The following LZTFL1 variants were observed in gnomAD, a reference collection of about 807,000 sequenced individuals.
LZTFL1 encodes leucine zipper transcription factor like 1.
In LZTFL1, 25 loss-of-function variants were observed where a neutral mutation model predicts 45.9. The observed-to-expected ratio is 0.54, with a 90% confidence interval of 0.40 to 0.76. The LOEUF is 0.76. Ranked by LOEUF, LZTFL1 falls within the 30% of genes least tolerant of loss-of-function variation. LZTFL1 has a pLI of 0.00. For synonymous variants in LZTFL1, 93 were observed against 117.4 expected, an observed-to-expected ratio of 0.79 and a Z score of 1.35; for missense variants, 277 against 331.1, an observed-to-expected ratio of 0.84 and a Z score of 1.27.
intron 2 of LZTFL1, among the ~76,000 whole-genome samples, chr3:45,890,304 CAT>C (rs72197666): frequency 0.081 from 965 of 11,878 alleles, 202 homozygotes; most frequent in African/African-American, 0.29. Flanking sequence ...ATATATATAA[CAT>C]ATATATATAT....
In LZTFL1 at chr3:45,835,813, T is replaced by C. The variant is rs746736194; in HGVS notation, c.129-29A>G. The C allele has an allele frequency of 5.9e-5, 90 of 1,522,276 alleles. No homozygotes were observed. In the Admixed American group the frequency reaches 1.7e-3, roughly 29 times the overall value. 94.3% of individuals were successfully genotyped at this position (1,522,276 alleles called of 1,614,324 possible). On this transcript the variant is annotated intron_variant, in intron 2 of 9. Transcript: ENST00000296135. ...AAAAACAACCATGATCCAAAACTTA[T>C]AGAAAAACAACAAGAAAAATCTACA...
At position 45,901,711 on chromosome 3, in the gene LZTFL1, T is replaced by A; in HGVS notation, c.-215+11409A>T. ...CAGGTCACCCAGACCATCGCCTTCT[T>A]CCACAGTTGCCTGAACCCTGTTCTC... On this transcript the variant is annotated intron_variant, in intron 2 of 4. Transcript: ENST00000472635. This position sits in a 1 kb window ranked among gnomAD's most constrained non-coding sequence, Gnocchi z 4.3. 6.2e-7 allele frequency: 1 copy of A among 1,614,172 alleles called. No individual in the cohort carries two copies. Among genetic ancestry groups the A allele is most frequent in the Non-Finnish European group, 8.5e-7 (1 of 1,179,988 alleles).
chr3:45,898,746 A>G lies in LZTFL1; in HGVS notation c.-215+14374T>C, dbSNP rs190595708. 7.2e-5 allele frequency among the ~76,000 whole-genome samples: 11 copies of G among 152,386 alleles called. 1 individual carries two copies. The highest frequency in any genetic ancestry group is 6.5e-4 in the Admixed American group (10 of 15,310). ...ATTCAGTGAGCCCTGATATCTAAGA[A>G]GCCCTCCACAAACACACACACAACA... is the stretch of plus-strand genomic sequence containing the variant. On this transcript the variant is annotated intron_variant, in intron 2 of 4. Transcript: ENST00000472635.
At chr3:45,912,806 G>A (rs544424021) in intron 2 of LZTFL1, among the ~76,000 whole-genome samples, 26 of 152,262 alleles carry the variant, frequency 1.7e-4, no homozygotes, top group African/African-American at 6.0e-4. Context: ...CAGTCAACCT[G>A]CATATTCGTG....
At chr3:45,889,100 G>A (rs185473857) in intron 2 of LZTFL1, among the ~76,000 whole-genome samples, 23 of 152,276 alleles carry the variant, frequency 1.5e-4, no homozygotes, top group East Asian at 3.9e-4. Context: ...ATTGTCCTGC[G>A]TCAGCCAGCT....
Position 45,861,867 on chromosome 3 carries a change from G to A in LZTFL1, c.-214-2851C>T, listed in dbSNP as rs572927980. On this transcript the variant is annotated intron_variant, in intron 2 of 4. Coordinates refer to the LZTFL1 transcript ENST00000472635. ...ATGGAAGCCAAAAGCTGTGAGGGCC[G>A]TTTATATCATTTATTACAAACCTGT... 3.9e-5 allele frequency among the ~76,000 whole-genome samples: 6 copies of A among 152,254 alleles called. No homozygotes were observed. The South Asian group carries it at 6.2e-4, about 16-fold the overall frequency.
chr3:45,913,734 C>T (rs1403652019), intron 1 of LZTFL1, among the ~76,000 whole-genome samples: 1 of 152,086 alleles, frequency 6.6e-6, no homozygotes, highest in Non-Finnish European at 1.5e-5. Flanking sequence ...CACCCATTTT[C>T]AAAGACCTTT....
At chr3:45,848,882 C>T (rs1043363747) in intron 4 of LZTFL1, among the ~76,000 whole-genome samples, 2 of 151,958 alleles carry the variant, frequency 1.3e-5, no homozygotes, top group Admixed American at 6.5e-5. Context: ...TTGATATTTC[C>T]GTGAGTTTTT....
intron 2 of LZTFL1, among the ~76,000 whole-genome samples, chr3:45,874,211 A>G (rs1701713062): frequency 6.6e-6 from 1 of 151,988 alleles, no homozygotes; most frequent in Admixed American, 6.6e-5. Context: ...TGGGAGACAT[A>G]TTTCTCTAAG....
Position 45,826,261 on chromosome 3 carries a change from G to A in LZTFL1, c.*53C>T. ...ATGCTTTTCAAAATACATGCCTGAG[G>A]TGAGACTGCTTGTATGTTTGCATGT... On this transcript the variant is annotated 3_prime_UTR_variant, in exon 10 of 10. Coordinates refer to ENST00000296135, the MANE Select transcript of LZTFL1 (RefSeq NM_020347.4). 1.3e-6 allele frequency: 2 copies of A among 1,546,436 alleles called. No individual in the cohort carries two copies. The highest frequency in any genetic ancestry group is 8.9e-7 in the Non-Finnish European group (1 of 1,120,252).
At chr3:45,884,363 G>C (rs1249625607) in intron 2 of LZTFL1, among the ~76,000 whole-genome samples, 2 of 152,064 alleles carry the variant, frequency 1.3e-5, no homozygotes, top group African/African-American at 2.4e-5. Context: ...TTGAGAAAGC[G>C]GAAGTTCTCT....
chr3:45,832,041 C>A (rs1417713092), intron 5 of LZTFL1, among the ~76,000 whole-genome samples: 1 of 152,132 alleles, frequency 6.6e-6, no homozygotes, highest in African/African-American at 2.4e-5. Flanking sequence ...CAAGACCAAC[C>A]TGGCTAACAT....
chr3:45,837,799 T>C (rs1701003596), intron 2 of LZTFL1, 128 bp downstream of exon 2: 1 of 977,992 alleles, frequency 1.0e-6, no homozygotes, highest in African/African-American at 1.6e-5. Context: ...TTAGTGTAGC[T>C]GCTCTTAGCA....
chr3:45,878,514 G>T (rs1401832210), intron 2 of LZTFL1, among the ~76,000 whole-genome samples: 1 of 151,930 alleles, frequency 6.6e-6, no homozygotes, highest in Non-Finnish European at 1.5e-5. Flanking sequence ...CTGGGGGATG[G>T]GGCCCATTTC....
At chr3:45,839,011 T>C (rs563947095) in intron 1 of LZTFL1, among the ~76,000 whole-genome samples, 1 of 152,246 alleles carries the variant, frequency 6.6e-6, no homozygotes, top group Admixed American at 6.5e-5. Context: ...TAGTCACACA[T>C]TAGTATGGGC....
intron 2 of LZTFL1, among the ~76,000 whole-genome samples, chr3:45,910,509 G>C (rs1702774581): frequency 6.6e-6 from 1 of 152,162 alleles, no homozygotes; most frequent in Non-Finnish European, 1.5e-5. Context: ...AGAGAGAGTG[G>C]AGGCTGGCAG....
intron 2 of LZTFL1, among the ~76,000 whole-genome samples, chr3:45,910,251 G>T (rs1364435244): frequency 2.6e-5 from 4 of 152,176 alleles, no homozygotes; most frequent in Non-Finnish European, 5.9e-5. Context: ...GATGGTGGTG[G>T]CGGAGTTGGA....
chr3:45,856,580 T>A (rs1281763396), intron 3 of LZTFL1, among the ~76,000 whole-genome samples: 2 of 152,052 alleles, frequency 1.3e-5, no homozygotes, highest in Non-Finnish European at 2.9e-5. Flanking sequence ...GAAACTATCA[T>A]CAGAGTGAAC....
At chr3:45,860,075 T>G (rs927198890) in intron 2 of LZTFL1, among the ~76,000 whole-genome samples, 1 of 151,890 alleles carries the variant, frequency 6.6e-6, no homozygotes, top group Admixed American at 6.6e-5. Context: ...AAAGAAAAAT[T>G]TAATGTAGAT....
Sources: gnomAD v4.1 joint callset for allele counts (sites outside exome capture counted in the v4.1 genomes callset) on GRCh38, gnomAD v4.1.1 for gene constraint, Gnocchi (gnomAD v3.1) non-coding constraint, MANE v1.5 for transcripts, NCBI Gene and HGNC (gene_info 2026-07-23, HGNC 2026-07-21) for gene names.